ZNF365: variants seen among roughly 807,000 people sequenced by gnomAD.
ZNF365 encodes the protein protein ZNF365.
In ZNF365, 22 loss-of-function variants were observed where a neutral mutation model predicts 35.0. The observed-to-expected ratio is 0.63, with a 90% CI of 0.45 to 0.90. The LOEUF is 0.90. Among genes scored for constraint, ZNF365 ranks in the 40% least tolerant of loss-of-function variants. The probability of loss-of-function intolerance (pLI) is 0.00; values close to 1 mark genes in which losing one functional copy is unlikely to be tolerated. For synonymous variants in ZNF365, 188 were observed against 196.2 expected (o/e 0.96, Z 0.35); for missense variants, 448 against 500.3 (o/e 0.90, Z 1.00).
chr10:62,406,537 A>G (rs529440840), downstream of ZNF365, among the ~76,000 whole-genome samples: 1 of 152,256 alleles, frequency 6.6e-6, no homozygotes, highest in African/African-American at 2.4e-5. Flanking sequence ...TGGGTCCTCA[A>G]TAAGGTATTT....
chr10:62,464,760 C>T (rs1036690695), intron 4 of ZNF365, among the ~76,000 whole-genome samples: 2 of 152,210 alleles, frequency 1.3e-5, no homozygotes, highest in African/African-American at 4.8e-5. Flanking sequence ...CTTTATGGAT[C>T]CTCATGTTAG....
intron 2 of ZNF365, among the ~76,000 whole-genome samples, chr10:62,379,803 C>A (rs201453549): frequency 6.6e-6 from 1 of 152,158 alleles, no homozygotes; most frequent in East Asian, 1.9e-4. Context: ...AAAGAGTTGG[C>A]CTTTCAGATA....
Position 62,400,588 on chromosome 10 carries a change from A to G in ZNF365, c.*799A>G, listed in dbSNP as rs1839810900. ...TAAAATCCTCTTTTGATTAGCACCC[A>G]GCATGGGCTGGGTGGCTAGGTGGTT... On this transcript the variant is annotated 3_prime_UTR_variant, in exon 5 of 5. Transcript: ENST00000395254. 1.0e-6 allele frequency: 1 copy of G among 986,010 alleles called. No homozygotes were observed. Among genetic ancestry groups the G allele is most frequent in the Non-Finnish European group, 1.2e-6 (1 of 829,956 alleles). The allele number at this position is 986,010 out of a possible 1,614,324, so 61.1% of individuals were successfully genotyped here.
At chr10:62,380,244 C>T (rs61863384) in intron 2 of ZNF365, among the ~76,000 whole-genome samples, 4 of 152,172 alleles carry the variant, frequency 2.6e-5, no homozygotes, top group Non-Finnish European at 2.9e-5. Context: ...TCCACTTAAA[C>T]GAAGAGGTTT....
chr10:62,388,475 A>T lies in ZNF365; in HGVS notation c.823A>T (p.Ile275Phe). ...VQGKARLQDF[I>F]ENLLQRVELA... is the part of the protein sequence containing the mutation. ...AGGGAAAGCCCGGCTCCAGGACTTT[A>T]TTGAGAATCTGTTACAGCGGGTAGA... The change falls in exon 3 of 5, where the codon ATT becomes TTT. Residue 275 changes from isoleucine (I) to phenylalanine (F), a missense_variant. Ile to Phe is a conservative substitution (Grantham distance 21, BLOSUM62 0). Around this residue, in one of 3 missense-constraint regions of ZNF365, gnomAD observed 362 missense variants for 375.7 expected, o/e 0.96. Transcript: ENST00000395254. The T allele has an allele frequency of 6.2e-7, 1 of 1,614,210 alleles. No individual in the cohort carries two copies. Among genetic ancestry groups the T allele is most frequent in the Non-Finnish European group, 8.5e-7 (1 of 1,180,038 alleles).
downstream of ZNF365, among the ~76,000 whole-genome samples, chr10:62,403,650 T>A (rs1039570091): frequency 8.6e-5 from 13 of 151,928 alleles, no homozygotes; most frequent in African/African-American, 2.7e-4. Flanking sequence ...AGAGTGAGAC[T>A]CCATCTCAAA....
intron 4 of ZNF365, among the ~76,000 whole-genome samples, chr10:62,461,445 C>T (rs1299979298): frequency 6.6e-6 from 1 of 152,214 alleles, no homozygotes; most frequent in Non-Finnish European, 1.5e-5. Context: ...ATAGTTATGA[C>T]ACAGATGGGG....
At chr10:62,384,339 T>C (rs1315588929) in intron 2 of ZNF365, among the ~76,000 whole-genome samples, 1 of 152,220 alleles carries the variant, frequency 6.6e-6, no homozygotes. Flanking sequence ...GATAGCATCA[T>C]ATTATTCTTC....
chr10:62,400,049 T>C lies in ZNF365; in HGVS notation c.*260T>C, dbSNP rs1839800694. On this transcript the variant is annotated 3_prime_UTR_variant, in exon 5 of 5. Coordinates refer to ENST00000395254, the MANE Select transcript of ZNF365 (RefSeq NM_014951.3). ...TTAAATCAATCTTAAAGCTCTAACT[T>C]CTAAAGTAACTGGCCCAGTCTCCAG... 2 of 1,207,822 alleles carry C rather than the reference T, an allele frequency of 1.7e-6. No homozygotes were observed. The highest frequency in any genetic ancestry group is 3.4e-4 in the Middle Eastern group (1 of 2,960). 74.8% of individuals were successfully genotyped at this position (1,207,822 alleles called of 1,614,324 possible). A position where few individuals can be genotyped will look rare whatever the true frequency, so the allele number is the denominator to read the frequency against.
At chr10:62,385,411 G>A (rs970265074) in intron 2 of ZNF365, among the ~76,000 whole-genome samples, 2 of 152,138 alleles carry the variant, frequency 1.3e-5, no homozygotes, top group African/African-American at 4.8e-5. Context: ...AAAGTTTCAT[G>A]TAGAAACAGT....
intron 3 of ZNF365, among the ~76,000 whole-genome samples, chr10:62,389,799 C>A (rs1839595514): frequency 6.6e-6 from 1 of 152,168 alleles, no homozygotes; most frequent in African/African-American, 2.4e-5. Flanking sequence ...CAAAAAGAGA[C>A]TGGAAGGAAG....
chr10:62,376,766 T>C lies in ZNF365; in HGVS notation c.573T>C (p.Thr191=). The part of the protein sequence containing the change: ...DKLTKELAQK[T]AELLEVRAAF... ...TCACCAAAGAGTTGGCCCAGAAAACTGCGGAACTGTTGGAAGTTCGGGCAG... is the reference window on the plus strand; with the variant it reads ...TCACCAAAGAGTTGGCCCAGAAAACCGCGGAACTGTTGGAAGTTCGGGCAG... Residue 191 remains threonine, a synonymous_variant, in exon 2 of 5, where the codon ACT becomes ACC. Coordinates refer to ENST00000395254, the MANE Select transcript of ZNF365 (RefSeq NM_014951.3). The C allele has an allele frequency of 6.2e-7, 1 of 1,614,172 alleles. No homozygotes were observed. The highest frequency in any genetic ancestry group is 8.5e-7 in the Non-Finnish European group (1 of 1,180,036).
intron 3 of ZNF365, among the ~76,000 whole-genome samples, chr10:62,416,860 G>C (rs763730360): frequency 4.6e-5 from 7 of 151,938 alleles, no homozygotes; most frequent in Admixed American, 4.6e-4. Context: ...TTAGATTTTG[G>C]AGTATTTCAG....
intron 3 of ZNF365, among the ~76,000 whole-genome samples, chr10:62,438,961 G>C (rs1326462406): frequency 3.9e-5 from 6 of 152,150 alleles, no homozygotes; most frequent in Non-Finnish European, 1.5e-5. Flanking sequence ...ATTAGCTAGA[G>C]TGCTTCTTGA....
intron 3 of ZNF365, among the ~76,000 whole-genome samples, chr10:62,411,055 G>A (rs1035239585): frequency 8.5e-5 from 13 of 152,128 alleles, no homozygotes; most frequent in Non-Finnish European, 1.8e-4. Flanking sequence ...TCATATGTTT[G>A]TCAGCTGCAT....
chr10:62,383,971 A>G (rs1004776250), intron 2 of ZNF365, among the ~76,000 whole-genome samples: 1 of 151,672 alleles, frequency 6.6e-6, no homozygotes, highest in Admixed American at 6.6e-5. Flanking sequence ...AGATCTGGAA[A>G]TCATTCTGCA....
chr10:62,462,132 G>C lies in ZNF365; in HGVS notation c.981+2335G>C, dbSNP rs189215105. Among the ~76,000 whole-genome samples the C allele has an allele frequency of 1.8e-4, 28 of 152,238 alleles. No homozygotes were observed. In the South Asian group the frequency reaches 5.6e-3, roughly 30 times the overall value. On this transcript the variant is annotated intron_variant, in intron 4 of 4. Transcript: ENST00000395255. ...TCCACCACCCAACCATGTATACAGG[G>C]GGAGTTACATGAGATTCTCACCTGA...
exon 5 of ZNF365, chr10:62,479,948 A>G (rs2132498921): frequency 6.2e-7 from 1 of 1,610,572 alleles, no homozygotes; most frequent in Middle Eastern, 1.7e-4. Flanking sequence ...AGAGAATCGC[A>G]AATTAATTGT....
intron 4 of ZNF365, among the ~76,000 whole-genome samples, chr10:62,473,051 C>T (rs1024570238): frequency 2.0e-5 from 3 of 152,124 alleles, no homozygotes; most frequent in Admixed American, 1.3e-4. Flanking sequence ...TTCGTTTCAT[C>T]GGCCATACGC....
Sources: allele counts gnomAD v4.1 joint callset (sites outside exome capture counted in the v4.1 genomes callset), GRCh38; gene constraint gnomAD v4.1.1; regional missense constraint gnomAD v4.1.1; transcripts MANE v1.5; gene names NCBI Gene and HGNC (gene_info 2026-07-23, HGNC 2026-07-21).